The following DRC8 variants were observed in gnomAD, a reference collection of about 807,000 sequenced individuals.
DRC8 encodes the protein dynein regulatory complex protein 8.
At chr1:245,079,018 T>C in the DRC8 span, among the ~76,000 whole-genome samples, 3 of 152,308 alleles carry the variant, frequency 2.0e-5, no homozygotes, top group East Asian at 5.8e-4. Flanking sequence ...AACTCTGTAT[T>C]ATATTTGGAA....
At chr1:245,075,236 G>A in the DRC8 span, among the ~76,000 whole-genome samples, 5 of 152,238 alleles carry the variant, frequency 3.3e-5, no homozygotes, top group South Asian at 4.1e-4. Context: ...CTGTGATCCC[G>A]TCAAAACACC....
chr1:245,100,316 C>T, the DRC8 span, among the ~76,000 whole-genome samples: 15 of 152,100 alleles, frequency 9.9e-5, no homozygotes, highest in Admixed American at 7.2e-4. Context: ...ACCCCGGAGG[C>T]GGAGGTTGCA....
the DRC8 span, chr1:245,044,120 T>C: frequency 6.6e-6 from 1 of 152,240 alleles, no homozygotes; most frequent in South Asian, 2.1e-4. Flanking sequence ...AATTTACCAC[T>C]TCGTAATTAC....
the DRC8 span, among the ~76,000 whole-genome samples, chr1:245,105,342 AT>A: frequency 7.2e-5 from 11 of 151,828 alleles, no homozygotes; most frequent in South Asian, 2.1e-4. Flanking sequence ...CAAAATGGTG[AT>A]TTTTTTTTAA....
At chr1:245,036,627 A>C in the DRC8 span, among the ~76,000 whole-genome samples, 1 of 152,232 alleles carries the variant, frequency 6.6e-6, no homozygotes, top group Non-Finnish European at 1.5e-5. Flanking sequence ...ATGAAACGTG[A>C]TGTATTTATA....
At chr1:245,036,056 A>G in the DRC8 span, among the ~76,000 whole-genome samples, 2 of 129,276 alleles carry the variant, frequency 1.5e-5, no homozygotes, top group Non-Finnish European at 3.3e-5. Flanking sequence ...ACCAAAATTA[A>G]AAACTTTGTG....
At chr1:245,097,779 A>C in the DRC8 span, among the ~76,000 whole-genome samples, 1 of 152,114 alleles carries the variant, frequency 6.6e-6, no homozygotes, top group Non-Finnish European at 1.5e-5. This position sits in a 1 kb window ranked among gnomAD's most constrained non-coding sequence, Gnocchi z 5.0. Flanking sequence ...GGCCTGAAGG[A>C]AATGAAGGGG....
At chr1:245,064,745 A>C in the DRC8 span, among the ~76,000 whole-genome samples, 4 of 152,222 alleles carry the variant, frequency 2.6e-5, no homozygotes, top group Non-Finnish European at 4.4e-5. Context: ...TTCTGAAGGC[A>C]CTGCTCATCT....
the DRC8 span, among the ~76,000 whole-genome samples, chr1:245,079,363 T>C: frequency 6.6e-6 from 1 of 152,222 alleles, no homozygotes; most frequent in Non-Finnish European, 1.5e-5. Context: ...CAAAGAACAC[T>C]TATGACCCCT....
the DRC8 span, among the ~76,000 whole-genome samples, chr1:245,115,120 G>A: frequency 2.6e-5 from 4 of 151,988 alleles, no homozygotes; most frequent in Non-Finnish European, 4.4e-5. Context: ...GCACGATCTC[G>A]GCTCATGCAG....
the DRC8 span, among the ~76,000 whole-genome samples, chr1:245,066,893 TG>T: frequency 6.6e-6 from 1 of 151,520 alleles, no homozygotes; most frequent in East Asian, 1.9e-4. Context: ...GGTGACAGAG[TG>T]AGACTCCATC....
chr1:245,112,013 G>A, the DRC8 span, among the ~76,000 whole-genome samples: 1 of 152,228 alleles, frequency 6.6e-6, no homozygotes, highest in Admixed American at 6.5e-5. Flanking sequence ...CAGCCTGGGT[G>A]ACAGAGCAAG....
chr1:244,995,575 C>T, the DRC8 span, among the ~76,000 whole-genome samples: 4 of 151,904 alleles, frequency 2.6e-5, no homozygotes, highest in Admixed American at 6.6e-5. Flanking sequence ...CTCAGGCTGG[C>T]CTTAAGTGAT....
At chr1:244,982,030 C>T in the DRC8 span, among the ~76,000 whole-genome samples, 1 of 152,184 alleles carries the variant, frequency 6.6e-6, no homozygotes, top group South Asian at 2.1e-4. Flanking sequence ...ACCACATCAA[C>T]AGGAATACAA....
the DRC8 span, among the ~76,000 whole-genome samples, chr1:245,008,294 A>G: frequency 1.3e-5 from 2 of 152,248 alleles, no homozygotes; most frequent in African/African-American, 4.8e-5. Flanking sequence ...TAAAAAAATC[A>G]TTATGTTAAA....
chr1:245,071,959 C>G, the DRC8 span, among the ~76,000 whole-genome samples: 1 of 152,210 alleles, frequency 6.6e-6, no homozygotes, highest in Non-Finnish European at 1.5e-5. Flanking sequence ...ACAACAAATG[C>G]TGACAAGAAA....
chr1:245,111,383 C>T, the DRC8 span, among the ~76,000 whole-genome samples: 3 of 152,174 alleles, frequency 2.0e-5, no homozygotes, highest in Non-Finnish European at 4.4e-5. Flanking sequence ...AAGTATGGCT[C>T]CTTCTCCCCT....
the DRC8 span, among the ~76,000 whole-genome samples, chr1:244,990,781 A>G: frequency 2.6e-5 from 4 of 151,022 alleles, no homozygotes; most frequent in Admixed American, 2.0e-4. Flanking sequence ...GACTACAGGC[A>G]TGAGCCACTG....
the DRC8 span, among the ~76,000 whole-genome samples, chr1:244,975,358 A>C: frequency 1.3e-5 from 2 of 152,168 alleles, no homozygotes; most frequent in African/African-American, 2.4e-5. Context: ...GGACAGTACA[A>C]AGGTTGAGCT....
Sources: allele counts gnomAD v4.1 joint callset (sites outside exome capture counted in the v4.1 genomes callset), GRCh38; gene constraint gnomAD v4.1.1; non-coding constraint Gnocchi (gnomAD v3.1); transcripts MANE v1.5; gene names NCBI Gene and HGNC (gene_info 2026-07-23, HGNC 2026-07-21).